The following NPAS3 variants were observed in gnomAD, a reference collection of about 807,000 sequenced individuals.
NPAS3 encodes neuronal PAS domain-containing protein 3.
NPAS3 carries 14 observed loss-of-function variants against 73.1 expected under a neutral mutation model. That is an observed-to-expected ratio of 0.19 (90% confidence interval 0.13 to 0.30). NPAS3 has a LOEUF of 0.30. NPAS3 is among the 10% of genes least tolerant of loss of function. NPAS3 has a pLI of 1.00. For missense variants in NPAS3, 1,096 were observed against 1,250.0 expected (o/e 0.88, Z 1.86); for synonymous variants, 620 against 541.5 (o/e 1.14, Z -2.01).
chr14:33,433,973 C>G (rs1262144906), intron 4 of NPAS3, among the ~76,000 whole-genome samples: 6 of 151,474 alleles, frequency 4.0e-5, no homozygotes, highest in Admixed American at 3.3e-4. Flanking sequence ...GGCGGATCAC[C>G]TGAGGTCAGG....
At chr14:33,706,668 A>G (rs2060664179) in intron 6 of NPAS3, among the ~76,000 whole-genome samples, 1 of 152,180 alleles carries the variant, frequency 6.6e-6, no homozygotes, top group African/African-American at 2.4e-5. Flanking sequence ...CTTTGAAACT[A>G]TGTGTGCCAA....
intron 4 of NPAS3, among the ~76,000 whole-genome samples, chr14:33,400,623 A>G (rs1289707741): frequency 6.6e-6 from 1 of 152,164 alleles, no homozygotes; most frequent in East Asian, 1.9e-4. Flanking sequence ...AATTTAGATA[A>G]ACAACATAAC....
intron 1 of NPAS3, among the ~76,000 whole-genome samples, chr14:32,990,167 T>G (rs1189112297): frequency 6.6e-6 from 1 of 152,166 alleles, no homozygotes; most frequent in Non-Finnish European, 1.5e-5. Context: ...ATGTCTTCCA[T>G]GAAAACGTGA....
chr14:33,029,836 A>G (rs1482790830), intron 1 of NPAS3, among the ~76,000 whole-genome samples: 1 of 152,252 alleles, frequency 6.6e-6, no homozygotes, highest in Non-Finnish European at 1.5e-5. Context: ...CAGATGATTA[A>G]TTATGTTGAC....
At chr14:33,367,667 T>TTG (rs1555382750) in intron 4 of NPAS3, among the ~76,000 whole-genome samples, 36 of 151,258 alleles carry the variant, frequency 2.4e-4, no homozygotes, top group Admixed American at 1.5e-3. Context: ...TTTTTTTTTT[T>TTG]TGTGTCGCCA....
intron 6 of NPAS3, among the ~76,000 whole-genome samples, chr14:33,699,666 T>C (rs1566440486): frequency 6.6e-6 from 1 of 152,176 alleles, no homozygotes; most frequent in South Asian, 2.1e-4. Context: ...AGATTTGGGA[T>C]TTTTCTCCAA....
At chr14:33,135,027 T>A (rs1377407485) in intron 2 of NPAS3, among the ~76,000 whole-genome samples, 4 of 152,182 alleles carry the variant, frequency 2.6e-5, no homozygotes, top group African/African-American at 9.7e-5. Context: ...TGTGCTTTCA[T>A]TGCATATTAT....
At chr14:33,704,238 G>A (rs1421191763) in intron 6 of NPAS3, among the ~76,000 whole-genome samples, 1 of 152,166 alleles carries the variant, frequency 6.6e-6, no homozygotes, top group Non-Finnish European at 1.5e-5. Flanking sequence ...TTATGAAAGT[G>A]TGTGTACATA....
chr14:33,685,689 T>C (rs1244304271), intron 6 of NPAS3, among the ~76,000 whole-genome samples: 1 of 152,242 alleles, frequency 6.6e-6, no homozygotes, highest in Non-Finnish European at 1.5e-5. Context: ...TAGCTTTGTC[T>C]ACTCCAAGTA....
At chr14:33,123,778 G>T (rs930266577) in intron 2 of NPAS3, among the ~76,000 whole-genome samples, 2 of 151,974 alleles carry the variant, frequency 1.3e-5, no homozygotes, top group Non-Finnish European at 2.9e-5. Context: ...TTCTTTTTTG[G>T]CAGCCTTAAA....
chr14:33,456,405 T>G (rs1033769791), intron 4 of NPAS3, among the ~76,000 whole-genome samples: 1 of 152,106 alleles, frequency 6.6e-6, no homozygotes, highest in Non-Finnish European at 1.5e-5. Flanking sequence ...ACTGTAGGAA[T>G]AGCAACATGC....
intron 2 of NPAS3, among the ~76,000 whole-genome samples, chr14:33,141,775 A>T (rs1245505675): frequency 6.6e-6 from 1 of 152,128 alleles, no homozygotes; most frequent in Non-Finnish European, 1.5e-5. Context: ...ATTCCTTGAG[A>T]TTGTGATATG....
chr14:33,162,274 T>A (rs1022335067), intron 2 of NPAS3, among the ~76,000 whole-genome samples: 1 of 152,172 alleles, frequency 6.6e-6, no homozygotes, highest in Non-Finnish European at 1.5e-5. Context: ...CATTCAACAA[T>A]TATTAATATT....
intron 2 of NPAS3, 118 bp downstream of exon 2, chr14:33,056,112 A>AAG: frequency 2.5e-6 from 1 of 397,762 alleles, no homozygotes; most frequent in Non-Finnish European, 4.1e-6. Context: ...AGTGGGGGAG[A>AAG]AAAAAAAACA....
At chr14:33,594,918 A>T (rs946204970) in intron 5 of NPAS3, among the ~76,000 whole-genome samples, 2 of 152,196 alleles carry the variant, frequency 1.3e-5, no homozygotes, top group Non-Finnish European at 2.9e-5. Flanking sequence ...TTATAAGGGG[A>T]AAAGAAAACA....
At chr14:33,004,401 A>G (rs1337283894) in intron 1 of NPAS3, among the ~76,000 whole-genome samples, 1 of 152,222 alleles carries the variant, frequency 6.6e-6, no homozygotes. Flanking sequence ...AATGATAAGT[A>G]TTTGTGTATC....
At chr14:32,935,076 G>C (rs1374080920), upstream of NPAS3, 1 of 914,870 alleles carries the variant, frequency 1.1e-6, no homozygotes, top group Non-Finnish European at 1.4e-6. Flanking sequence ...TTTGCCTCCT[G>C]TTTTGTGTCT....
chr14:33,168,340 C>G (rs979760323), intron 2 of NPAS3, among the ~76,000 whole-genome samples: 1 of 152,128 alleles, frequency 6.6e-6, no homozygotes, highest in African/African-American at 2.4e-5. Flanking sequence ...AAGACTCTCC[C>G]TTGCCTTGAG....
At chr14:33,690,711 C>T (rs547810775) in intron 6 of NPAS3, among the ~76,000 whole-genome samples, 110 of 152,142 alleles carry the variant, frequency 7.2e-4, no homozygotes, top group Non-Finnish European at 1.2e-3. Context: ...AAGAAGGAGA[C>T]GGGCATGTAT....
Sources: allele counts gnomAD v4.1 joint callset (sites outside exome capture counted in the v4.1 genomes callset), GRCh38; gene constraint gnomAD v4.1.1; transcripts MANE v1.5; gene names NCBI Gene and HGNC (gene_info 2026-07-23, HGNC 2026-07-21).